PARVA: variants seen among roughly 807,000 people sequenced by gnomAD.
PARVA encodes alpha-parvin.
PARVA carries 25 observed loss-of-function variants against 52.6 expected under a neutral mutation model. That is an observed-to-expected ratio of 0.48 (90% CI 0.35 to 0.66). PARVA has a LOEUF of 0.66. Ranked by LOEUF, PARVA falls within the 30% of genes least tolerant of loss-of-function variation. The probability of loss-of-function intolerance (pLI) is 0.01; values close to 1 mark genes in which losing one functional copy is unlikely to be tolerated. For synonymous variants in PARVA, 185 were observed against 179.1 expected, an observed-to-expected ratio of 1.03 and a Z score of -0.26; for missense variants, 373 against 450.9, an observed-to-expected ratio of 0.83 and a Z score of 1.56.
At chr11:12,526,028 T>C (rs1337322087) in intron 12 of PARVA, among the ~76,000 whole-genome samples, 1 of 151,942 alleles carries the variant, frequency 6.6e-6, no homozygotes, top group Non-Finnish European at 1.5e-5. Context: ...CAAGGCTAAA[T>C]ACAGAGTGAT....
At chr11:12,435,925 G>A (rs770739842) in intron 1 of PARVA, among the ~76,000 whole-genome samples, 12 of 151,890 alleles carry the variant, frequency 7.9e-5, no homozygotes, top group African/African-American at 1.5e-4. Flanking sequence ...TCAAGTTTCC[G>A]GATTCACCTG....
At chr11:12,507,423 C>G (rs1441743086) in intron 6 of PARVA, among the ~76,000 whole-genome samples, 2 of 152,196 alleles carry the variant, frequency 1.3e-5, no homozygotes, top group African/African-American at 4.8e-5. Context: ...ACATTACCTC[C>G]TTCGTCAGCT....
intron 1 of PARVA, among the ~76,000 whole-genome samples, chr11:12,431,303 A>C: frequency 6.6e-6 from 1 of 152,296 alleles, no homozygotes; most frequent in African/African-American, 2.4e-5. Flanking sequence ...GCATTGTTAC[A>C]TATCTGTCAC....
chr11:12,416,943 T>A (rs1940074998), intron 1 of PARVA, among the ~76,000 whole-genome samples: 1 of 152,160 alleles, frequency 6.6e-6, no homozygotes, highest in Admixed American at 6.5e-5. Context: ...TCTCTAGTAA[T>A]CTTTAGATTA....
In PARVA at chr11:12,513,288, C is replaced by T; in HGVS notation, c.737-11C>T. The T allele has an allele frequency of 6.2e-7, 1 of 1,613,230 alleles. No individual in the cohort carries two copies. The highest frequency in any genetic ancestry group is 8.5e-7 in the Non-Finnish European group (1 of 1,179,264). ...CTCTTGTGCTCCACATTGTGTTTCC[C>T]TCTTTTTCAGAACGTGATGCCTTTG... On this transcript the variant is annotated splice_polypyrimidine_tract_variant and intron_variant, in intron 8 of 12. Transcript: ENST00000334956.
At chr11:12,458,296 G>C (rs762863393) in intron 1 of PARVA, among the ~76,000 whole-genome samples, 5 of 152,208 alleles carry the variant, frequency 3.3e-5, no homozygotes, top group Non-Finnish European at 5.9e-5. Flanking sequence ...AGTTTTCTCA[G>C]GACAGTGTCA....
chr11:12,395,173 T>C (rs1441002345), intron 1 of PARVA, among the ~76,000 whole-genome samples: 1 of 152,150 alleles, frequency 6.6e-6, no homozygotes, highest in Non-Finnish European at 1.5e-5. Context: ...TTATTTTTGA[T>C]TCACGTTTGG....
At chr11:12,394,863 G>A (rs1490167550) in intron 1 of PARVA, among the ~76,000 whole-genome samples, 1 of 152,044 alleles carries the variant, frequency 6.6e-6, no homozygotes, top group East Asian at 1.9e-4. Flanking sequence ...AGGCCGAGGT[G>A]GGCAGATCAC....
At position 12,413,569 on chromosome 11, in the gene PARVA, T is replaced by G. The variant is rs557541569; in HGVS notation, c.136+35786T>G. On this transcript the variant is annotated intron_variant, in intron 1 of 12. Transcript: ENST00000334956. ...GTAGTTTACTTTAAAAGCAGTGTTA[T>G]GATGGAACCTGTACACTCACACATT... Among the ~76,000 whole-genome samples, 49 of 149,858 alleles carry G rather than the reference T, an allele frequency of 3.3e-4. No homozygotes were observed. In the South Asian group the frequency reaches 0.01, roughly 32 times the overall value.
chr11:12,468,197 A>G (rs1940881458), intron 1 of PARVA, among the ~76,000 whole-genome samples: 1 of 152,164 alleles, frequency 6.6e-6, no homozygotes, highest in African/African-American at 2.4e-5. Context: ...CACCGTGTGC[A>G]TTGCATCTGC....
At position 12,422,587 on chromosome 11, in the gene PARVA, C is replaced by T. The variant is rs558370600; in HGVS notation, c.136+44804C>T. 2.1e-4 allele frequency among the ~76,000 whole-genome samples: 13 copies of T among 62,148 alleles called. No homozygotes were observed. In the South Asian group the frequency reaches 0.012, roughly 59 times the overall value. 40.8% of individuals were successfully genotyped at this position (62,148 alleles called of 152,430 possible). A position where few individuals can be genotyped will look rare whatever the true frequency, so the allele number is the denominator to read the frequency against. ...TTAATTGTGAGACTGAACACCTTCC[C>T]TGTGTTAGCTTATAGGGTCATTTCC... On this transcript the variant is annotated intron_variant, in intron 1 of 12. Transcript: ENST00000334956.
At chr11:12,504,747 T>C (rs1941412261) in intron 6 of PARVA, among the ~76,000 whole-genome samples, 2 of 145,784 alleles carry the variant, frequency 1.4e-5, no homozygotes, top group Admixed American at 7.1e-5. Context: ...GAGCTGTGTG[T>C]CATGGGGTCA....
intron 1 of PARVA, among the ~76,000 whole-genome samples, chr11:12,466,593 C>G (rs1384383560): frequency 2.6e-5 from 4 of 152,132 alleles, no homozygotes; most frequent in Non-Finnish European, 5.9e-5. Context: ...CATAAGCCAC[C>G]ACGCCCGGCC....
At position 12,493,407 on chromosome 11, in the gene PARVA, C is replaced by T. The variant is rs377561466; in HGVS notation, c.401-3051C>T. Among the ~76,000 whole-genome samples the T allele has an allele frequency of 1.3e-4, 20 of 151,092 alleles. 1 individual carries two copies. Among genetic ancestry groups the T allele is most frequent in the African/African-American group, 2.2e-4 (9 of 41,260 alleles). On this transcript the variant is annotated intron_variant, in intron 4 of 12. Coordinates refer to ENST00000334956, the MANE Select transcript of PARVA (RefSeq NM_018222.5). ...AACACACACACAATAAGGATTACTT[C>T]GATATATTTTTATGCAAATCCATTT...
intron 4 of PARVA, among the ~76,000 whole-genome samples, chr11:12,482,837 C>T (rs1941106647): frequency 6.6e-6 from 1 of 152,124 alleles, no homozygotes; most frequent in Non-Finnish European, 1.5e-5. Context: ...TCCACCTGGC[C>T]CCACCCTTGA....
intron 1 of PARVA, among the ~76,000 whole-genome samples, chr11:12,413,721 G>A (rs2134977135): frequency 6.6e-6 from 1 of 152,342 alleles, no homozygotes; most frequent in South Asian, 2.1e-4. Flanking sequence ...AGCTGGCACA[G>A]GCGGCTCCTT....
intron 1 of PARVA, among the ~76,000 whole-genome samples, chr11:12,412,503 C>T (rs1342243866): frequency 3.3e-5 from 5 of 152,224 alleles, no homozygotes; most frequent in Admixed American, 1.3e-4. Context: ...CAGCCCAGGC[C>T]GAGAGGAAGG....
At chr11:12,513,958 C>G in intron 9 of PARVA, 39 bp from the exon 10 acceptor site, 6 of 1,553,550 alleles carry the variant, frequency 3.9e-6, no homozygotes, top group Admixed American at 1.7e-5. Context: ...TGCACTAGTG[C>G]GAGTCCCCAG....
At chr11:12,513,135 C>T (rs773790924) in intron 8 of PARVA, 164 bp from the exon 9 acceptor site, 1 of 735,968 alleles carries the variant, frequency 1.4e-6, no homozygotes, top group African/African-American at 1.7e-5. Context: ...CAAATCTTAG[C>T]CCCAAATCAC....
Sources: allele counts gnomAD v4.1 joint callset (sites outside exome capture counted in the v4.1 genomes callset), GRCh38; gene constraint gnomAD v4.1.1; transcripts MANE v1.5; gene names NCBI Gene and HGNC (gene_info 2026-07-23, HGNC 2026-07-21).